NIM1K: variants seen among roughly 807,000 people sequenced by gnomAD.
NIM1K encodes serine/threonine-protein kinase NIM1.
A neutral mutation model predicts 37.1 loss-of-function variants in NIM1K; 35 were observed. The observed-to-expected ratio is 0.94, with a 90% CI of 0.72 to 1.25. NIM1K has a LOEUF of 1.25. Among genes scored for constraint, NIM1K ranks in the 50% most tolerant of loss-of-function variants. The pLI, the probability that NIM1K is intolerant of heterozygous loss-of-function variation, is 0.00. For missense variants in NIM1K, 564 were observed against 548.0 expected, an observed-to-expected ratio of 1.03 and a Z score of -0.29; for synonymous variants, 234 against 206.6, an observed-to-expected ratio of 1.13 and a Z score of -1.14.
chr5:43,265,597 C>T (rs1322104915), intron 2 of NIM1K, among the ~76,000 whole-genome samples: 2 of 151,996 alleles, frequency 1.3e-5, no homozygotes, highest in Admixed American at 6.5e-5. Flanking sequence ...TTGTTATTAC[C>T]AATTGTCTGG....
At chr5:43,277,811 T>TGAGAGA (rs1435200841) in intron 3 of NIM1K, among the ~76,000 whole-genome samples, 3 of 147,002 alleles carry the variant, frequency 2.0e-5, no homozygotes, top group African/African-American at 5.2e-5. Context: ...TGTGTGTGTG[T>TGAGAGA]GTGTGAGAGA....
At chr5:43,231,900 T>A in intron 1 of NIM1K, 1 of 1,048,374 alleles carries the variant, frequency 9.5e-7, no homozygotes, top group Middle Eastern at 2.3e-4. Context: ...AGTCATGTCC[T>A]CACTGGCCTC....
chr5:43,269,670 G>A (rs1753225841), intron 2 of NIM1K, among the ~76,000 whole-genome samples: 1 of 151,912 alleles, frequency 6.6e-6, no homozygotes, highest in Non-Finnish European at 1.5e-5. Flanking sequence ...CCAGGCTGGA[G>A]TGCAGTGGCG....
At position 43,280,008 on chromosome 5, in the gene NIM1K, T is replaced by C. The variant is rs1420318141; in HGVS notation, c.590T>C (p.Leu197Pro). ...MHENQIIHRD[L>P]KAENVFYTSN... ...GAAAACCAAATTATTCATAGAGATC[T>C]GAAAGCAGAAAATGTATTCTATACC... Residue 197 changes from leucine to proline, a missense_variant, in exon 4 of 4, where the codon CTG (leucine) becomes CCG (proline). Leu to Pro is a moderately conservative substitution (Grantham distance 98). Transcript: ENST00000326035. The C allele has an allele frequency of 4.3e-6, 7 of 1,612,746 alleles. No homozygotes were observed. The African/African-American group carries it at 6.7e-5, about 15-fold the overall frequency.
intron 1 of NIM1K, among the ~76,000 whole-genome samples, chr5:43,236,138 T>C (rs76822088): frequency 0.03 from 4,586 of 151,956 alleles, 174 homozygotes; most frequent in East Asian, 0.16. Context: ...TGGTGGTGTG[T>C]ACCAGTAGTC....
chr5:43,256,776 G>A (rs963079562), intron 2 of NIM1K, among the ~76,000 whole-genome samples: 1 of 152,174 alleles, frequency 6.6e-6, no homozygotes, highest in Non-Finnish European at 1.5e-5. Flanking sequence ...AAATACTCCA[G>A]TTCTCTCACT....
At chr5:43,223,689 A>T (rs897470701) in intron 1 of NIM1K, among the ~76,000 whole-genome samples, 2 of 151,916 alleles carry the variant, frequency 1.3e-5, no homozygotes, top group Non-Finnish European at 2.9e-5. Context: ...AATCAGCTTC[A>T]CTCCAGAGGT....
chr5:43,240,683 T>G (rs1312361103), intron 1 of NIM1K, among the ~76,000 whole-genome samples: 1 of 151,582 alleles, frequency 6.6e-6, no homozygotes, highest in Admixed American at 6.6e-5. Flanking sequence ...TACAGGTGTG[T>G]GCCGCCATGC....
At chr5:43,225,452 G>A (rs1467422886) in intron 1 of NIM1K, 1 of 152,000 alleles carries the variant, frequency 6.6e-6, no homozygotes, top group African/African-American at 2.4e-5. Flanking sequence ...AAAATTTTAT[G>A]CAGTTTCATG....
chr5:43,230,033 C>A (rs532903558), intron 1 of NIM1K, among the ~76,000 whole-genome samples: 13 of 152,096 alleles, frequency 8.5e-5, no homozygotes, highest in African/African-American at 2.9e-4. Flanking sequence ...ATATAAATTT[C>A]AAGTTATAAA....
At chr5:43,198,192 T>TC (rs1751953632) in intron 1 of NIM1K, among the ~76,000 whole-genome samples, 2 of 47,408 alleles carry the variant, frequency 4.2e-5, no homozygotes, top group East Asian at 7.9e-4. Flanking sequence ...TCTTTCTTTC[T>TC]TTCTTTCTTT....
chr5:43,194,921 G>A (rs1190146254), intron 1 of NIM1K: 1 of 152,082 alleles, frequency 6.6e-6, no homozygotes, highest in Non-Finnish European at 1.5e-5. Flanking sequence ...CAAAAGCAAA[G>A]ATTTTTGTCT....
intron 1 of NIM1K, among the ~76,000 whole-genome samples, chr5:43,228,446 G>A (rs1224767149): frequency 8.6e-5 from 13 of 151,516 alleles, no homozygotes; most frequent in Non-Finnish European, 1.3e-4. Context: ...GCACCCGGCC[G>A]AGACCTGTTT....
intron 1 of NIM1K, among the ~76,000 whole-genome samples, chr5:43,225,239 A>G (rs957967503): frequency 1.6e-5 from 2 of 122,008 alleles, no homozygotes; most frequent in African/African-American, 3.1e-5. Flanking sequence ...CAGCCTGGGC[A>G]ACAGAAAGAG....
In NIM1K at chr5:43,233,191, T is replaced by A. The variant is rs1752567164; in HGVS notation, c.-694-11891T>A. ...TCACGCATGATTACTGCTTCACGGC[T>A]GCCGAGGCGATGGTGGAGACAAGGA... On this transcript the variant is annotated intron_variant, in intron 1 of 3. Coordinates refer to ENST00000326035, the MANE Select transcript of NIM1K (RefSeq NM_153361.4). 1.5e-5 allele frequency: 17 copies of A among 1,134,638 alleles called. No individual in the cohort carries two copies. In the South Asian group the frequency reaches 2.2e-4, roughly 15 times the overall value. 70.3% of individuals were successfully genotyped at this position (1,134,638 alleles called of 1,614,324 possible).
chr5:43,277,034 A>C (rs976617720), intron 2 of NIM1K, 23 bp from the exon 3 acceptor site: 1 of 1,611,200 alleles, frequency 6.2e-7, no homozygotes, highest in Non-Finnish European at 8.5e-7. Flanking sequence ...TTCTGGCACA[A>C]TTTTTACTTT....
At chr5:43,211,045 G>A (rs1752197450) in intron 1 of NIM1K, among the ~76,000 whole-genome samples, 1 of 152,142 alleles carries the variant, frequency 6.6e-6, no homozygotes, top group East Asian at 1.9e-4. Flanking sequence ...GATGGCAGGT[G>A]CCTGTAATCC....
chr5:43,210,584 G>A (rs1358655171), intron 1 of NIM1K, among the ~76,000 whole-genome samples: 1 of 152,156 alleles, frequency 6.6e-6, no homozygotes, highest in Non-Finnish European at 1.5e-5. Context: ...GAGACTTGGA[G>A]GTTCAGCGGG....
In NIM1K at chr5:43,280,285, T is replaced by G. The variant is rs1753418626; in HGVS notation, c.867T>G (p.Ser289Arg). The change falls in exon 4 of 4, where the codon AGT (serine) becomes AGG (arginine). Residue 289 changes from serine to arginine, a missense_variant. Coordinates refer to ENST00000326035, the MANE Select transcript of NIM1K (RefSeq NM_153361.4). ...AGAGCATCCTCGAGGGCACATACAG[T>G]GTACCGCCGCACGTGTCAGAGCCCT... ...LKKSILEGTYSVPPHVSEPCH... is the reference protein window; with the variant it reads ...LKKSILEGTYRVPPHVSEPCH... 2 of 1,614,122 alleles carry G rather than the reference T, an allele frequency of 1.2e-6. No homozygotes were observed. The highest frequency in any genetic ancestry group is 1.6e-4 in the Middle Eastern group (1 of 6,062).
Sources: gnomAD v4.1 joint callset for allele counts (sites outside exome capture counted in the v4.1 genomes callset) on GRCh38, gnomAD v4.1.1 for gene constraint, MANE v1.5 for transcripts, NCBI Gene and HGNC (gene_info 2026-07-23, HGNC 2026-07-21) for gene names.